Variants in BSN observed in about 807,000 individuals in gnomAD.
BSN encodes the protein protein bassoon.
In BSN, 57 loss-of-function variants were observed where a neutral mutation model predicts 264.8. The ratio of observed to expected loss-of-function variants is 0.22; its 90% confidence interval spans 0.17 to 0.27. The LOEUF is 0.27. Among genes scored for constraint, BSN ranks in the 10% least tolerant of loss-of-function variants. The probability of loss-of-function intolerance (pLI) is 1.00; values close to 1 mark genes in which losing one functional copy is unlikely to be tolerated. For synonymous variants in BSN, 2,059 were observed against 2,137.3 expected (o/e 0.96, Z 1.01); for missense variants, 4,615 against 5,232.5 (o/e 0.88, Z 3.64).
intron 1 of BSN, among the ~76,000 whole-genome samples, chr3:49,575,437 AATAT>A (rs564752072): frequency 3.4e-5 from 5 of 146,256 alleles, no homozygotes; most frequent in Non-Finnish European, 7.5e-5. Context: ...TATATATGTA[AATAT>A]ATATGTGTGT....
Position 49,643,107 on chromosome 3 carries a change from G to A in BSN, c.1473G>A (p.Gln491=). ...NYNTCTTCRL[Q]VCNLCGFNPT... ...ACACATGCACCACCTGCAGGCTCCA[G>A]GTGTGCAACCTGTGTGGCTTCAACC... Residue 491 remains glutamine (Q), a synonymous_variant, in exon 3 of 12, where the codon CAG becomes CAA. Coordinates refer to ENST00000296452, the MANE Select transcript of BSN (RefSeq NM_003458.4). The A allele has an allele frequency of 6.2e-7, 1 of 1,613,298 alleles. No homozygotes were observed. Among genetic ancestry groups the A allele is most frequent in the Non-Finnish European group, 8.5e-7 (1 of 1,179,652 alleles).
rs138247036 is a variant in BSN at position 49,657,909 on chromosome 3, C to T, written c.8353C>T (p.Arg2785Cys). 35 of 1,613,710 alleles carry T rather than the reference C, an allele frequency of 2.2e-5. No homozygotes were observed. Among genetic ancestry groups the T allele is most frequent in the South Asian group, 8.8e-5 (8 of 91,082 alleles). ...PPESLSQLVS[R>C]QPPKSPQVLY... ...GGAGTCTCTCTCACAGCTTGTGAGC[C>T]GCCAGCCTCCCAAGTCCCCTCAGGT... The change falls in exon 5 of 12, where the codon CGC becomes TGC. Residue 2785 changes from arginine (R) to cysteine (C), a missense_variant. By Grantham distance (180) the Arg-to-Cys change is radical. Around this residue, in one of 3 missense-constraint regions of BSN, gnomAD observed 3,415 missense variants for 3,866.4 expected, o/e 0.88. Coordinates refer to ENST00000296452, the MANE Select transcript of BSN (RefSeq NM_003458.4).
intron 1 of BSN, among the ~76,000 whole-genome samples, chr3:49,609,128 T>G (rs1215321001): frequency 3.6e-5 from 5 of 139,120 alleles, no homozygotes; most frequent in Non-Finnish European, 7.6e-5. Flanking sequence ...AGGGTCTCAC[T>G]CTGTCACATA....
intron 1 of BSN, among the ~76,000 whole-genome samples, chr3:49,612,584 A>C (rs1297101019): frequency 6.6e-6 from 1 of 152,312 alleles, no homozygotes; most frequent in African/African-American, 2.4e-5. Flanking sequence ...CTTAGGGAGT[A>C]TCTTTGAGCC....
In BSN at chr3:49,655,828, G is replaced by A. The variant is rs1559616653; in HGVS notation, c.6272G>A (p.Ser2091Asn). 2 of 1,613,286 alleles carry A rather than the reference G, an allele frequency of 1.2e-6. No individual in the cohort carries two copies. The highest frequency in any genetic ancestry group is 1.7e-6 in the Non-Finnish European group (2 of 1,180,034). The change falls in exon 5 of 12, where the codon AGT becomes AAT. Residue 2091 changes from serine (S) to asparagine (N), a missense_variant. Physicochemically the swap from Ser to Asn is conservative, Grantham distance 46. This residue lies in a region of BSN where 3,415 missense variants were observed against 3,866.4 expected (regional missense o/e 0.88). Transcript: ENST00000296452. Reference protein sequence around the residue: ...GFQEASLAQYSATTAREISRM... With the variant: ...GFQEASLAQYNATTAREISRM... ...CAGGAGGCCAGCCTGGCCCAGTACAGTGCCACCACAGCCCGTGAAATCAGT... is the reference window on the plus strand; with the variant it reads ...CAGGAGGCCAGCCTGGCCCAGTACAATGCCACCACAGCCCGTGAAATCAGT...
In BSN at chr3:49,660,709, C is replaced by T. The variant is rs1239875246; in HGVS notation, c.8864C>T (p.Ser2955Phe). The T allele has an allele frequency of 3.1e-6, 5 of 1,613,072 alleles. No homozygotes were observed. Among genetic ancestry groups the T allele is most frequent in the Non-Finnish European group, 4.2e-6 (5 of 1,179,926 alleles). ...DRDLRLVEHE[S>F]TKLRKKQAEL... ...GACCTGCGGCTGGTGGAGCATGAGT[C>T]CACCAAACTGCGCAAGAAGCAGGCA... is the stretch of plus-strand genomic sequence containing the variant. The change falls in exon 6 of 12, where the codon TCC (serine) becomes TTC (phenylalanine). Residue 2955 changes from serine to phenylalanine, a missense_variant. Around this residue, in one of 3 missense-constraint regions of BSN, gnomAD observed 3,415 missense variants for 3,866.4 expected, o/e 0.88. Transcript: ENST00000296452. The surrounding 1 kb of genome is among the most constrained non-coding windows in gnomAD (Gnocchi z 7.1).
intron 1 of BSN, among the ~76,000 whole-genome samples, chr3:49,564,049 C>T (rs550844771): frequency 1.4e-4 from 21 of 152,326 alleles, no homozygotes; most frequent in African/African-American, 4.8e-4. Context: ...CTTCTCTGGA[C>T]TTCACTTCTC....
intron 1 of BSN, among the ~76,000 whole-genome samples, chr3:49,569,847 C>T (rs1307520811): frequency 3.9e-5 from 6 of 152,118 alleles, no homozygotes; most frequent in Non-Finnish European, 5.9e-5. Flanking sequence ...CTTCATGAAG[C>T]CAGGTGGAGG....
At chr3:49,557,743 A>C (rs1254284571) in intron 1 of BSN, among the ~76,000 whole-genome samples, 1 of 151,938 alleles carries the variant, frequency 6.6e-6, no homozygotes, top group Non-Finnish European at 1.5e-5. Flanking sequence ...GCACCCAGCT[A>C]ATTTTTTGTA....
chr3:49,638,455 C>T lies in BSN; in HGVS notation c.634-3813C>T, dbSNP rs946201807. ...TCCCAGGAAACTGCTGGGGATCTGT[C>T]GGGGAGGCAGAGAGGGGGATGTATT... On this transcript the variant is annotated intron_variant, in intron 2 of 11. Transcript: ENST00000296452. This position sits in a 1 kb window ranked among gnomAD's most constrained non-coding sequence, Gnocchi z 4.3. Among the ~76,000 whole-genome samples, 3 of 152,082 alleles carry T rather than the reference C, an allele frequency of 2.0e-5. No homozygotes were observed. Among genetic ancestry groups the T allele is most frequent in the African/African-American group, 4.8e-5 (2 of 41,414 alleles).
rs2052562094 is a variant in BSN at position 49,653,404 on chromosome 3, A to G, written c.3848A>G (p.Asp1283Gly). The change falls in exon 5 of 12, where the codon GAC (aspartate) becomes GGC (glycine). Residue 1283 changes from aspartate to glycine, a missense_variant. Transcript: ENST00000296452. The surrounding 1 kb of genome is among the most constrained non-coding windows in gnomAD (Gnocchi z 6.3). Reference sequence around the variant, plus strand: ...TCACGAGACCTGGCTTTTGCTGAGGACAAAAAGAAGGAGAAGCAGTTTCTA... The same window carrying G: ...TCACGAGACCTGGCTTTTGCTGAGGGCAAAAAGAAGGAGAAGCAGTTTCTA... ...ASSRDLAFAE[D>G]KKKEKQFLNA... 16 of 1,613,910 alleles carry G rather than the reference A, an allele frequency of 9.9e-6. No individual in the cohort carries two copies. The highest frequency in any genetic ancestry group is 2.2e-5 in the East Asian group (1 of 44,878).
chr3:49,648,605 C>T (rs2052517168), intron 3 of BSN, among the ~76,000 whole-genome samples: 1 of 152,240 alleles, frequency 6.6e-6, no homozygotes, highest in Non-Finnish European at 1.5e-5. Context: ...GCTCTGTGCT[C>T]TCCCATGTCC....
intron 1 of BSN, among the ~76,000 whole-genome samples, chr3:49,575,085 G>A (rs979092103): frequency 2.0e-5 from 3 of 151,912 alleles, no homozygotes; most frequent in Non-Finnish European, 2.9e-5. Context: ...GATGGCTCAC[G>A]CCTGTAATCC....
chr3:49,572,822 C>T (rs1360840723), intron 1 of BSN, among the ~76,000 whole-genome samples: 3 of 152,176 alleles, frequency 2.0e-5, no homozygotes, highest in Non-Finnish European at 2.9e-5. Context: ...CATGAGCCAC[C>T]GCGCCCAGCC....
chr3:49,642,268 G>A lies in BSN; in HGVS notation c.634G>A (p.Val212Met). ...CTGACTATTTTGCTTTTCTCCTCAGGTGAAGGAGTGGCTCTGTCTGAACTG... is the reference window on the plus strand; with the variant it reads ...CTGACTATTTTGCTTTTCTCCTCAGATGAAGGAGTGGCTCTGTCTGAACTG... Reference protein sequence around the residue: ...GFNPNPHLTQVKEWLCLNCQM... With the variant: ...GFNPNPHLTQMKEWLCLNCQM... The change falls in exon 3 of 12, where the codon GTG becomes ATG. Residue 212 changes from valine to methionine, a missense_variant and splice_region_variant. Val to Met is a conservative substitution (Grantham distance 21). Coordinates refer to ENST00000296452, the MANE Select transcript of BSN (RefSeq NM_003458.4). This position sits in a 1 kb window ranked among gnomAD's most constrained non-coding sequence, Gnocchi z 7.0. The A allele has an allele frequency of 5.9e-6, 9 of 1,525,612 alleles. No homozygotes were observed. Among genetic ancestry groups the A allele is most frequent in the Non-Finnish European group, 7.9e-6 (9 of 1,136,746 alleles). The allele number at this position is 1,525,612 out of a possible 1,614,324, so 94.5% of individuals were successfully genotyped here.
rs1575447542 is a variant in BSN, at chr3:49,651,245, G to T, written c.1986+166G>T. 4 of 719,004 alleles carry T rather than the reference G, an allele frequency of 5.6e-6. No individual in the cohort carries two copies. Among genetic ancestry groups the T allele is most frequent in the South Asian group, 2.1e-5 (1 of 48,412 alleles). 44.5% of individuals were successfully genotyped at this position (719,004 alleles called of 1,614,324 possible). A position where few individuals can be genotyped will look rare whatever the true frequency, so the allele number is the denominator to read the frequency against. ...GAAAGTCTAGATGAGGTTCTGGCAC[G>T]CTTGGAGACTGTGGGTTTTACACTG... On this transcript the variant is annotated intron_variant, in intron 4 of 11. Transcript: ENST00000296452. This position sits in a 1 kb window ranked among gnomAD's most constrained non-coding sequence, Gnocchi z 5.4.
At position 49,656,364 on chromosome 3, in the gene BSN, G is replaced by T. The variant is rs142732204; in HGVS notation, c.6808G>T (p.Ala2270Ser). Residue 2270 changes from alanine (A) to serine (S), a missense_variant, in exon 5 of 12, where the codon GCT (alanine) becomes TCT (serine). By Grantham distance (99) the Ala-to-Ser change is moderately conservative. Around this residue, in one of 3 missense-constraint regions of BSN, gnomAD observed 3,415 missense variants for 3,866.4 expected, o/e 0.88. Transcript: ENST00000296452. ...TCCTGCACCAAGTAGATTTCCCATTGCTTCCAGTGTTCCACCTGCAGAAGG... is the reference window on the plus strand; with the variant it reads ...TCCTGCACCAAGTAGATTTCCCATTTCTTCCAGTGTTCCACCTGCAGAAGG... The part of the protein sequence containing the change: ...RYPAPSRFPI[A>S]SSVPPAEGPV... 1.3e-4 allele frequency: 205 copies of T among 1,602,780 alleles called. No homozygotes were observed. The highest frequency in any genetic ancestry group is 1.6e-4 in the Non-Finnish European group (192 of 1,174,092).
At chr3:49,648,309 A>T (rs1235279896) in intron 3 of BSN, among the ~76,000 whole-genome samples, 2 of 152,238 alleles carry the variant, frequency 1.3e-5, no homozygotes, top group Admixed American at 1.3e-4. Flanking sequence ...CCAAACTTTG[A>T]GAGGCCTAAC....
intron 1 of BSN, among the ~76,000 whole-genome samples, chr3:49,568,713 T>G (rs900602923): frequency 6.6e-6 from 1 of 152,248 alleles, no homozygotes; most frequent in Non-Finnish European, 1.5e-5. Flanking sequence ...GACATTGGGC[T>G]GTGTCCAGTC....
Sources: gnomAD v4.1 joint callset for allele counts (sites outside exome capture counted in the v4.1 genomes callset) on GRCh38, gnomAD v4.1.1 for gene constraint, gnomAD v4.1.1 regional missense constraint, Gnocchi (gnomAD v3.1) non-coding constraint, MANE v1.5 for transcripts, NCBI Gene and HGNC (gene_info 2026-07-23, HGNC 2026-07-21) for gene names.